Variants in CYP11A1 observed in about 807,000 individuals in gnomAD.
CYP11A1 encodes the protein cytochrome P450 family 11 subfamily A member 1, also known as cholesterol side-chain cleavage enzyme, mitochondrial.
Under a neutral mutation model 51.9 loss-of-function variants are expected in CYP11A1, and 25 were observed. That is an observed-to-expected ratio of 0.48 (90% confidence interval 0.35 to 0.67). The LOEUF (loss-of-function observed/expected upper bound fraction) is 0.67. CYP11A1 is among the 30% of genes least tolerant of loss of function. The pLI, the probability that CYP11A1 is intolerant of heterozygous loss-of-function variation, is 0.00. For synonymous variants in CYP11A1, 245 were observed against 262.1 expected (o/e 0.93, Z 0.63); for missense variants, 578 against 680.9 (o/e 0.85, Z 1.68).
chr15:74,351,134 C>T (rs986831067), intron 1 of CYP11A1, among the ~76,000 whole-genome samples: 5 of 152,146 alleles, frequency 3.3e-5, no homozygotes, highest in Non-Finnish European at 7.3e-5. Flanking sequence ...CTGCCACCGC[C>T]CGGTTCGCTT....
At chr15:74,364,688 A>C (rs1422864292) in intron 1 of CYP11A1, 1 of 152,276 alleles carries the variant, frequency 6.6e-6, no homozygotes, top group East Asian at 1.9e-4. Flanking sequence ...TCCACCGGTA[A>C]CAAAGGGGCT....
Position 74,338,087 on chromosome 15 carries a change from C to A in CYP11A1, c.1451G>T (p.Arg484Ile). 6.2e-7 allele frequency: 1 copy of A among 1,614,154 alleles called. No homozygotes were observed. Among genetic ancestry groups the A allele is most frequent in the Non-Finnish European group, 8.5e-7 (1 of 1,180,022 alleles). Residue 484 changes from arginine to isoleucine, a missense_variant, in exon 9 of 9, where the codon AGA becomes ATA. Transcript: ENST00000268053. Reference sequence around the variant, plus strand: ...ATCGCTGAGGTGTTGGATTTCAACTCTGAAGTTCTCCAGCATCTGAGAAAG... The same window carrying A: ...ATCGCTGAGGTGTTGGATTTCAACTATGAAGTTCTCCAGCATCTGAGAAAG... ...IFLINMLENF[R>I]VEIQHLSDVG...
chr15:74,338,689 C>T lies in CYP11A1; in HGVS notation c.1316G>A (p.Arg439Gln), dbSNP rs1287873655. The change falls in exon 8 of 9, where the codon CGA (arginine) becomes CAA (glutamine). Residue 439 changes from arginine (R) to glutamine (Q), a missense_variant. Physicochemically the swap from Arg to Gln is conservative, Grantham distance 43. Transcript: ENST00000268053. ...FFDPENFDPT[R>Q]WLSKDKNITY... ...GATGTTCTTGTCTTTGCTCAGCCATCGGGTTGGGTCAAAATTTTCCGGGTC... is the reference window on the plus strand; with the variant it reads ...GATGTTCTTGTCTTTGCTCAGCCATTGGGTTGGGTCAAAATTTTCCGGGTC... 5 of 1,614,136 alleles carry T rather than the reference C, an allele frequency of 3.1e-6. No individual in the cohort carries two copies. Among genetic ancestry groups the T allele is most frequent in the Non-Finnish European group, 4.2e-6 (5 of 1,180,012 alleles).
intron 4 of CYP11A1, 34 bp from the exon 5 acceptor site, chr15:74,343,171 T>C: frequency 6.2e-7 from 1 of 1,610,426 alleles, no homozygotes; most frequent in Non-Finnish European, 8.5e-7. Flanking sequence ...AAGAGTGAGG[T>C]TCCCTGCAGG....
chr15:74,358,213 G>A (rs1435200707), intron 1 of CYP11A1, among the ~76,000 whole-genome samples: 2 of 152,238 alleles, frequency 1.3e-5, no homozygotes, highest in Non-Finnish European at 2.9e-5. Context: ...TGCTTATGCT[G>A]ATAAGGTAGC....
At chr15:74,340,347 A>C (rs2060600781) in intron 5 of CYP11A1, among the ~76,000 whole-genome samples, 1 of 152,170 alleles carries the variant, frequency 6.6e-6, no homozygotes, top group South Asian at 2.1e-4. Context: ...GGCTGTGACC[A>C]CTAGCCCTTC....
intron 1 of CYP11A1, chr15:74,363,539 G>A (rs193243347): frequency 2.0e-5 from 3 of 152,302 alleles, no homozygotes; most frequent in East Asian, 1.9e-4. Context: ...ATTTTAGGAG[G>A]TTTGGTTTAT....
At chr15:74,339,407 TGC>T in intron 6 of CYP11A1, 92 bp from the exon 7 acceptor site, 1 of 1,450,780 alleles carries the variant, frequency 6.9e-7, no homozygotes, top group Non-Finnish European at 9.7e-7. Context: ...CAGCCCTAGC[TGC>T]AGCAGCCTGG....
chr15:74,367,286 C>A (rs780431250), intron 1 of CYP11A1, 31 bp downstream of exon 1: 1 of 1,614,046 alleles, frequency 6.2e-7, no homozygotes, highest in East Asian at 2.2e-5. Context: ...TCCTCCCTGT[C>A]CCTTCGGCTC....
chr15:74,367,179 A>G lies in CYP11A1; in HGVS notation c.269+138T>C, dbSNP rs1332885101. On this transcript the variant is annotated intron_variant, in intron 1 of 8. Transcript: ENST00000268053. ...TGATATATTTCTGTATTGTATTACC[A>G]AAAAAAAAAAAAAAAAAGAAGTTAG... 6 of 36,234 alleles carry G rather than the reference A, an allele frequency of 1.7e-4. No individual in the cohort carries two copies. In the East Asian group the frequency reaches 3.0e-3, roughly 18 times the overall value. The allele number at this position is 36,234 out of a possible 1,614,324, so 2.2% of individuals were successfully genotyped here.
At chr15:74,344,048 A>G in intron 3 of CYP11A1, 56 bp from the exon 4 acceptor site, 1 of 1,494,396 alleles carries the variant, frequency 6.7e-7, no homozygotes, top group Non-Finnish European at 9.3e-7. Flanking sequence ...TCTGAGAGCC[A>G]CAACTCCCAG....
rs1310022842 is a variant in CYP11A1, at chr15:74,345,393, C to T, written c.426-150G>A. The T allele has an allele frequency of 6.6e-6, 5 of 754,122 alleles. No homozygotes were observed. Among genetic ancestry groups the T allele is most frequent in the Non-Finnish European group, 1.1e-5 (5 of 435,994 alleles). 46.7% of individuals were successfully genotyped at this position (754,122 alleles called of 1,614,324 possible). A position where few individuals can be genotyped will look rare whatever the true frequency, so the allele number is the denominator to read the frequency against. On this transcript the variant is annotated intron_variant, in intron 2 of 8. Coordinates refer to ENST00000268053, the MANE Select transcript of CYP11A1 (RefSeq NM_000781.3). This position sits in a 1 kb window ranked among gnomAD's most constrained non-coding sequence, Gnocchi z 4.3. Reference sequence around the variant, plus strand: ...GGGCCTCTGCCCTCACCTCTCCGAGCACCCTCTGCCTCTCACCTCCTCCCT... The same window carrying T: ...GGGCCTCTGCCCTCACCTCTCCGAGTACCCTCTGCCTCTCACCTCCTCCCT...
intron 5 of CYP11A1, among the ~76,000 whole-genome samples, 165 bp from the exon 6 acceptor site, chr15:74,339,918 G>A (rs1432415887): frequency 6.6e-6 from 1 of 152,190 alleles, no homozygotes; most frequent in East Asian, 1.9e-4. Context: ...ACATTCCATT[G>A]TCTAAAAGGC....
At chr15:74,351,421 T>G (rs1214575570) in intron 1 of CYP11A1, among the ~76,000 whole-genome samples, 1 of 152,220 alleles carries the variant, frequency 6.6e-6, no homozygotes, top group Non-Finnish European at 1.5e-5. Flanking sequence ...TACTTTCTTA[T>G]GCTAAATTCT....
At chr15:74,354,200 C>T (rs2060667367) in intron 1 of CYP11A1, among the ~76,000 whole-genome samples, 1 of 152,218 alleles carries the variant, frequency 6.6e-6, no homozygotes, top group Non-Finnish European at 1.5e-5. Context: ...TGCACGTATA[C>T]ATCCAGATGG....
At chr15:74,338,914 C>T in intron 7 of CYP11A1, 146 bp from the exon 8 acceptor site, 1 of 795,008 alleles carries the variant, frequency 1.3e-6, no homozygotes, top group South Asian at 1.5e-5. Context: ...GACATTCTGC[C>T]CACTGTGCAG....
At chr15:74,364,554 C>A (rs150562828) in intron 1 of CYP11A1, 1 of 152,224 alleles carries the variant, frequency 6.6e-6, no homozygotes, top group African/African-American at 2.4e-5. Flanking sequence ...TGAGCCCCTA[C>A]GCTCCGCCTG....
At chr15:74,348,221 T>C (rs2060640998) in intron 1 of CYP11A1, 166 bp from the exon 2 acceptor site, 1 of 685,298 alleles carries the variant, frequency 1.5e-6, no homozygotes, top group Non-Finnish European at 2.5e-6. Flanking sequence ...TGGAGACAAA[T>C]ACAGTACCTG....
rs1304418504 is a variant in CYP11A1 at position 74,367,360 on chromosome 15, G to A, written c.226C>T (p.Leu76Phe). The A allele has an allele frequency of 6.2e-7, 1 of 1,614,044 alleles. No homozygotes were observed. The highest frequency in any genetic ancestry group is 2.2e-5 in the East Asian group (1 of 44,880). ...WRETGTHKVH[L>F]HHVQNFQKYG... is the part of the protein sequence containing the mutation. Reference sequence around the variant, plus strand: ...TTCTGGAAATTCTGGACATGGTGAAGGTGGACTTTGTGTGTGCCCGTCTCC... The same window carrying A: ...TTCTGGAAATTCTGGACATGGTGAAAGTGGACTTTGTGTGTGCCCGTCTCC... The change falls in exon 1 of 9, where the codon CTT becomes TTT. Residue 76 changes from leucine (L) to phenylalanine (F), a missense_variant. Transcript: ENST00000268053.
Sources: gnomAD v4.1 joint callset for allele counts (sites outside exome capture counted in the v4.1 genomes callset) on GRCh38, gnomAD v4.1.1 for gene constraint, Gnocchi (gnomAD v3.1) non-coding constraint, MANE v1.5 for transcripts, NCBI Gene and HGNC (gene_info 2026-07-23, HGNC 2026-07-21) for gene names.